The following KIRREL3 variants were observed in gnomAD, a reference collection of about 807,000 sequenced individuals.
The protein encoded by KIRREL3 is kirre like nephrin family adhesion molecule 3, also known as kin of IRRE-like protein 3.
A neutral mutation model predicts 89.7 loss-of-function variants in KIRREL3; 36 were observed. The ratio of observed to expected loss-of-function variants is 0.40; its 90% CI spans 0.31 to 0.53. KIRREL3 has a LOEUF of 0.53. KIRREL3 is among the 20% of genes least tolerant of loss of function. KIRREL3 has a pLI of 0.49. For missense variants in KIRREL3, 864 were observed against 1,056.6 expected, an observed-to-expected ratio of 0.82 and a Z score of 2.53; for synonymous variants, 445 against 441.4, an observed-to-expected ratio of 1.01 and a Z score of -0.10.
In KIRREL3 at chr11:126,531,398, G is replaced by C. The variant is rs187473951; in HGVS notation, c.134-4711C>G. Among the ~76,000 whole-genome samples, 1 of 152,112 alleles carries C rather than the reference G, an allele frequency of 6.6e-6. No homozygotes were observed. Among genetic ancestry groups the C allele is most frequent in the East Asian group, 1.9e-4 (1 of 5,190 alleles). On this transcript the variant is annotated intron_variant, in intron 2 of 16. Transcript: ENST00000525144. The surrounding 1 kb of genome is among the most constrained non-coding windows in gnomAD (Gnocchi z 4.7). ...CCTCTCATGGCTCTCCACTCTCTGC[G>C]GGACAACGCCCAACTTCCCATGCTG...
intron 1 of KIRREL3, among the ~76,000 whole-genome samples, chr11:126,824,171 T>C (rs747264764): frequency 6.6e-6 from 1 of 152,154 alleles, no homozygotes; most frequent in Admixed American, 6.5e-5. Flanking sequence ...AGGTTTCCTC[T>C]TGGCACCTAG....
chr11:126,576,037 A>C lies in KIRREL3; in HGVS notation c.56-13125T>G, dbSNP rs1237890769. The stretch of plus-strand genomic sequence containing the variant: ...GGAACCATCTCTATTAATCTCTAGA[A>C]CCTGGCTCAGAGCCAGGCACATAGT... On this transcript the variant is annotated intron_variant, in intron 1 of 16. Transcript: ENST00000525144. This position sits in a 1 kb window ranked among gnomAD's most constrained non-coding sequence, Gnocchi z 5.4. 6.6e-6 allele frequency among the ~76,000 whole-genome samples: 1 copy of C among 152,148 alleles called. No individual in the cohort carries two copies.
chr11:126,878,843 G>A (rs1173667918), intron 1 of KIRREL3, among the ~76,000 whole-genome samples: 1 of 152,080 alleles, frequency 6.6e-6, no homozygotes, highest in Non-Finnish European at 1.5e-5. Flanking sequence ...AAATTACTCC[G>A]AGAAACCAAG....
At position 126,525,214 on chromosome 11, in the gene KIRREL3, C is replaced by G. The variant is rs563984625; in HGVS notation, c.283+1324G>C. Reference sequence around the variant, plus strand: ...CCCAGTCCCTGACGGAAGTTGGAAACCCACTGACCGGGACCCCAGACAGCC... The same window carrying G: ...CCCAGTCCCTGACGGAAGTTGGAAAGCCACTGACCGGGACCCCAGACAGCC... On this transcript the variant is annotated intron_variant, in intron 3 of 16. Coordinates refer to ENST00000525144, the MANE Select transcript of KIRREL3 (RefSeq NM_032531.4). This position sits in a 1 kb window ranked among gnomAD's most constrained non-coding sequence, Gnocchi z 5.4. Among the ~76,000 whole-genome samples, 16 of 152,346 alleles carry G rather than the reference C, an allele frequency of 1.1e-4. No homozygotes were observed. In the South Asian group the frequency reaches 3.3e-3, roughly 32 times the overall value.
chr11:126,832,229 T>C (rs572246890), intron 1 of KIRREL3, among the ~76,000 whole-genome samples: 24 of 152,226 alleles, frequency 1.6e-4, no homozygotes, highest in Admixed American at 1.2e-3. Context: ...TGAACAGACA[T>C]TCCTCCCTTT....
At position 126,997,739 on chromosome 11, in the gene KIRREL3, G is replaced by T. The variant is rs1950217068; in HGVS notation, c.55+2716C>A. Reference sequence around the variant, plus strand: ...TGCTTGGAGCACTCTCTCTGCACGGGGACCAAGATACTGGGAGCATGGAGC... The same window carrying T: ...TGCTTGGAGCACTCTCTCTGCACGGTGACCAAGATACTGGGAGCATGGAGC... On this transcript the variant is annotated intron_variant, in intron 1 of 16. Transcript: ENST00000525144. The surrounding 1 kb of genome is among the most constrained non-coding windows in gnomAD (Gnocchi z 4.3). 1.3e-5 allele frequency among the ~76,000 whole-genome samples: 2 copies of T among 152,150 alleles called. No homozygotes were observed. Among genetic ancestry groups the T allele is most frequent in the African/African-American group, 4.8e-5 (2 of 41,444 alleles).
chr11:126,446,042 G>T (rs1427723499), intron 9 of KIRREL3, among the ~76,000 whole-genome samples: 2 of 151,578 alleles, frequency 1.3e-5, no homozygotes, highest in Non-Finnish European at 2.9e-5. Flanking sequence ...CAGCTACTCA[G>T]GAGGCTGAGG....
intron 1 of KIRREL3, among the ~76,000 whole-genome samples, chr11:126,688,291 G>T (rs1591962872): frequency 1.3e-5 from 2 of 152,334 alleles, no homozygotes; most frequent in East Asian, 3.9e-4. Flanking sequence ...TGTGCATGCT[G>T]TACATAAGCG....
chr11:126,854,126 T>TTGTGTGTGTGTGTGTGTGTGTGTG (rs375873911), intron 1 of KIRREL3, among the ~76,000 whole-genome samples: 1 of 143,922 alleles, frequency 6.9e-6, no homozygotes, highest in Admixed American at 6.9e-5. Flanking sequence ...AATAAGTTTC[T>TTGTGTGTGTGTGTGTGTGTGTGTG]TGTGTGTGTG....
Position 126,877,801 on chromosome 11 carries a change from G to A in KIRREL3, c.55+122654C>T, listed in dbSNP as rs534380746. Among the ~76,000 whole-genome samples, 38 of 152,296 alleles carry A rather than the reference G, an allele frequency of 2.5e-4. 2 individuals are homozygous for A. In the South Asian group the frequency reaches 6.8e-3, roughly 27 times the overall value. On this transcript the variant is annotated intron_variant, in intron 1 of 16. Coordinates refer to ENST00000525144, the MANE Select transcript of KIRREL3 (RefSeq NM_032531.4). This position sits in a 1 kb window ranked among gnomAD's most constrained non-coding sequence, Gnocchi z 4.9. The stretch of plus-strand genomic sequence containing the variant: ...AATGTAACAGAGAAAGTGACATACA[G>A]TAGTATGTAATAACAGAAGTATCTT...
chr11:126,435,239 A>G lies in KIRREL3; in HGVS notation c.1588+29T>C, dbSNP rs1223178511. ...CCAGGAAGTCCCTTCCCCCCTTCCC[A>G]GGGCCATTCTCATCATCTCCTTCCG... is the stretch of plus-strand genomic sequence containing the variant. On this transcript the variant is annotated intron_variant, in intron 13 of 16. Transcript: ENST00000525144. 7 of 1,612,656 alleles carry G rather than the reference A, an allele frequency of 4.3e-6. No homozygotes were observed. In the Admixed American group the frequency reaches 6.7e-5, roughly 15 times the overall value.
Position 126,790,733 on chromosome 11 carries a change from G to A in KIRREL3, c.55+209722C>T, listed in dbSNP as rs144491464. On this transcript the variant is annotated intron_variant, in intron 1 of 16. Transcript: ENST00000525144. ...GTGATTTCCAACCCTAATCGCAGAC[G>A]TGGGAAGAGCCTTGCTGTGCTGGGA... Among the ~76,000 whole-genome samples the A allele has an allele frequency of 2.0e-3, 311 of 152,162 alleles. 1 individual carries two copies. Among genetic ancestry groups the A allele is most frequent in the African/African-American group, 7.0e-3 (289 of 41,510 alleles).
At chr11:126,470,043 G>A (rs930698930) in intron 5 of KIRREL3, among the ~76,000 whole-genome samples, 7 of 152,206 alleles carry the variant, frequency 4.6e-5, no homozygotes, top group African/African-American at 1.7e-4. Context: ...CGGGTCCCCC[G>A]CCCTGCTGTG....
intron 1 of KIRREL3, among the ~76,000 whole-genome samples, chr11:126,671,260 G>GTCT (rs1024748763): frequency 6.8e-6 from 1 of 147,200 alleles, no homozygotes; most frequent in Non-Finnish European, 1.5e-5. Flanking sequence ...TTGAGTCGAG[G>GTCT]TCTTGCTGCA....
Position 126,946,375 on chromosome 11 carries a change from A to G in KIRREL3, c.55+54080T>C, listed in dbSNP as rs918687045. 6.6e-5 allele frequency among the ~76,000 whole-genome samples: 10 copies of G among 152,288 alleles called. No individual in the cohort carries two copies. The highest frequency in any genetic ancestry group is 2.4e-4 in the African/African-American group (10 of 41,564). Reference sequence around the variant, plus strand: ...AGTTGCAAGACCTGGTTTGGTCCTCATGCATTGGATCACCTTACTCAAACC... The same window carrying G: ...AGTTGCAAGACCTGGTTTGGTCCTCGTGCATTGGATCACCTTACTCAAACC... On this transcript the variant is annotated intron_variant, in intron 1 of 16. Coordinates refer to ENST00000525144, the MANE Select transcript of KIRREL3 (RefSeq NM_032531.4). This position sits in a 1 kb window ranked among gnomAD's most constrained non-coding sequence, Gnocchi z 4.1.
chr11:126,494,773 T>TG (rs1260522176), intron 4 of KIRREL3, among the ~76,000 whole-genome samples: 2 of 152,084 alleles, frequency 1.3e-5, no homozygotes, highest in African/African-American at 4.8e-5. Flanking sequence ...GAAACTGTTT[T>TG]GGGGCGGTGA....
chr11:126,510,938 G>A (rs1022860889), intron 4 of KIRREL3, among the ~76,000 whole-genome samples: 15 of 152,182 alleles, frequency 9.9e-5, no homozygotes, highest in Admixed American at 9.8e-4. Context: ...AATCATGACA[G>A]TTGTCCTGGT....
rs756193928 is a variant in KIRREL3, at chr11:126,662,906, C to CTTTTTTTT, written c.56-100002_56-99995dup. The stretch of plus-strand genomic sequence containing the variant: ...GATTTTACTTTTTCCAAAGTCCTTT[C>CTTTTTTTT]TTTTTTTTTTTTTTTTTTTTTGCTC... On this transcript the variant is annotated intron_variant, in intron 1 of 16. Coordinates refer to ENST00000525144, the MANE Select transcript of KIRREL3 (RefSeq NM_032531.4). Among the ~76,000 whole-genome samples, 489 of 91,792 alleles carry CTTTTTTTT rather than the reference C, an allele frequency of 5.3e-3. 5 individuals are homozygous for CTTTTTTTT. The highest frequency in any genetic ancestry group is 6.7e-3 in the Middle Eastern group (1 of 150). 60.2% of individuals were successfully genotyped at this position (91,792 alleles called of 152,430 possible).
In KIRREL3 at chr11:126,708,219, G is replaced by T. The variant is rs545977111; in HGVS notation, c.56-145307C>A. 2.0e-5 allele frequency among the ~76,000 whole-genome samples: 3 copies of T among 152,236 alleles called. No individual in the cohort carries two copies. Among genetic ancestry groups the T allele is most frequent in the East Asian group, 3.9e-4 (2 of 5,176 alleles). ...CTGCCTGTGCCGCTGCTTTTTCCTGGCAGTTTACAATGTTATATTGCTACC... is the reference window on the plus strand; with the variant it reads ...CTGCCTGTGCCGCTGCTTTTTCCTGTCAGTTTACAATGTTATATTGCTACC... On this transcript the variant is annotated intron_variant, in intron 1 of 16. Coordinates refer to ENST00000525144, the MANE Select transcript of KIRREL3 (RefSeq NM_032531.4). The surrounding 1 kb of genome is among the most constrained non-coding windows in gnomAD (Gnocchi z 5.7).
Sources: gnomAD v4.1 joint callset for allele counts (sites outside exome capture counted in the v4.1 genomes callset) on GRCh38, gnomAD v4.1.1 for gene constraint, Gnocchi (gnomAD v3.1) non-coding constraint, MANE v1.5 for transcripts, NCBI Gene and HGNC (gene_info 2026-07-23, HGNC 2026-07-21) for gene names.